Variants in ARSB observed in about 807,000 individuals in gnomAD.
The protein encoded by ARSB is N-acetylgalactosamine-4-sulfatase.
In ARSB, 41 loss-of-function variants were observed where a neutral mutation model predicts 50.9. The ratio of observed to expected loss-of-function variants is 0.81; its 90% confidence interval spans 0.63 to 1.04. The LOEUF (loss-of-function observed/expected upper bound fraction) is 1.04. Ranked by LOEUF, ARSB falls within the 50% of genes least tolerant of loss-of-function variation. ARSB has a pLI of 0.00. For synonymous variants in ARSB, 269 were observed against 284.8 expected, an observed-to-expected ratio of 0.94 and a Z score of 0.56; for missense variants, 672 against 693.3, an observed-to-expected ratio of 0.97 and a Z score of 0.35.
At chr5:78,800,631 G>A (rs1002364405) in intron 6 of ARSB, among the ~76,000 whole-genome samples, 1 of 152,144 alleles carries the variant, frequency 6.6e-6, no homozygotes, top group Non-Finnish European at 1.5e-5. Flanking sequence ...TTTTTGGAGG[G>A]TGTGCAAGGT....
chr5:78,919,304 G>A (rs1293532807), intron 4 of ARSB, among the ~76,000 whole-genome samples: 2 of 152,070 alleles, frequency 1.3e-5, no homozygotes, highest in East Asian at 3.9e-4. Context: ...CAACATCCCC[G>A]TGGTTCTTGA....
intron 4 of ARSB, among the ~76,000 whole-genome samples, chr5:78,896,461 G>A (rs571072719): frequency 2.5e-4 from 38 of 152,284 alleles, no homozygotes; most frequent in African/African-American, 7.9e-4. Flanking sequence ...GAGGTACTGC[G>A]TTCAGTGACA....
intron 6 of ARSB, chr5:78,817,193 C>T (rs1456954645): frequency 1.2e-6 from 1 of 844,254 alleles, no homozygotes; most frequent in Admixed American, 6.2e-5. Flanking sequence ...ATGGTGACCA[C>T]TGTTGTCCTT....
intron 6 of ARSB, 38 bp downstream of exon 6, chr5:78,839,318 A>C: frequency 6.3e-7 from 1 of 1,586,432 alleles, no homozygotes; most frequent in Non-Finnish European, 8.7e-7. Context: ...TTGGTGGGCC[A>C]ATTAGATTTA....
rs1342069078 is a variant in ARSB at position 78,780,067 on chromosome 5, G to A, written c.*330C>T. Reference sequence around the variant, plus strand: ...GAGGGGAATCGAACGTCTGACTTGTGAGTCTAAAAGAGCCAGCTGTTCCAG... The same window carrying A: ...GAGGGGAATCGAACGTCTGACTTGTAAGTCTAAAAGAGCCAGCTGTTCCAG... On this transcript the variant is annotated 3_prime_UTR_variant, in exon 8 of 8. Coordinates refer to ENST00000264914, the MANE Select transcript of ARSB (RefSeq NM_000046.5). 1.2e-5 allele frequency: 4 copies of A among 343,736 alleles called. No individual in the cohort carries two copies. Among genetic ancestry groups the A allele is most frequent in the Non-Finnish European group, 2.2e-5 (4 of 180,926 alleles). 21.3% of individuals were successfully genotyped at this position (343,736 alleles called of 1,614,324 possible). A position where few individuals can be genotyped will look rare whatever the true frequency, so the allele number is the denominator to read the frequency against.
At position 78,865,138 on chromosome 5, in the gene ARSB, C is replaced by T. The variant is rs576845828; in HGVS notation, c.1142+20446G>A. ...ACTCCGTATAGGGGTTCTGGCCCCA[C>T]ATTTCCCTTCCATCCTGCCCTAGCA... On this transcript the variant is annotated intron_variant, in intron 5 of 7. Coordinates refer to ENST00000264914, the MANE Select transcript of ARSB (RefSeq NM_000046.5). 3.0e-5 allele frequency among the ~76,000 whole-genome samples: 4 copies of T among 131,532 alleles called. No individual in the cohort carries two copies. In the East Asian group the frequency reaches 8.1e-4, roughly 27 times the overall value. The allele number at this position is 131,532 out of a possible 152,430, so 86.3% of individuals were successfully genotyped here. A position where few individuals can be genotyped will look rare whatever the true frequency, so the allele number is the denominator to read the frequency against.
chr5:78,806,034 C>T (rs1034962338), intron 6 of ARSB, among the ~76,000 whole-genome samples: 9 of 152,214 alleles, frequency 5.9e-5, no homozygotes, highest in African/African-American at 1.7e-4. Flanking sequence ...CTACCACCTA[C>T]CTTCATTGGG....
intron 4 of ARSB, among the ~76,000 whole-genome samples, chr5:78,950,230 A>C (rs1751439718): frequency 6.6e-6 from 1 of 152,148 alleles, no homozygotes; most frequent in African/African-American, 2.4e-5. Flanking sequence ...GAACAAGATG[A>C]AACCCCATCA....
chr5:78,868,170 C>A (rs1017255099), intron 5 of ARSB, among the ~76,000 whole-genome samples: 2 of 140,370 alleles, frequency 1.4e-5, no homozygotes, highest in Non-Finnish European at 3.1e-5. Context: ...TGTGAAAAGA[C>A]CAAATCTACG....
chr5:78,851,024 T>C (rs1745746826), intron 5 of ARSB, among the ~76,000 whole-genome samples: 2 of 152,218 alleles, frequency 1.3e-5, no homozygotes, highest in Non-Finnish European at 1.5e-5. Context: ...CTGGATTCAT[T>C]AATTTTTTGA....
intron 4 of ARSB, among the ~76,000 whole-genome samples, chr5:78,936,878 A>C (rs780650292): frequency 7.9e-5 from 12 of 152,210 alleles, no homozygotes; most frequent in African/African-American, 1.2e-4. Context: ...AGACGACTGT[A>C]GGAGACAGCA....
At chr5:78,817,277 A>G (rs1273382375) in intron 6 of ARSB, 1 of 223,738 alleles carries the variant, frequency 4.5e-6, no homozygotes, top group Non-Finnish European at 7.5e-6. Context: ...CACATCCTTC[A>G]CAGCTTCCTC....
intron 6 of ARSB, chr5:78,815,480 G>GA (rs1259466507): frequency 1.1e-6 from 1 of 925,030 alleles, no homozygotes; most frequent in Non-Finnish European, 1.3e-6. Flanking sequence ...GCAAATGGAG[G>GA]ACAGGCTGTG....
At chr5:78,795,639 A>T (rs1270439563) in intron 6 of ARSB, among the ~76,000 whole-genome samples, 1 of 152,214 alleles carries the variant, frequency 6.6e-6, no homozygotes, top group African/African-American at 2.4e-5. Flanking sequence ...CTGTCCTTGG[A>T]GAAATTCTTA....
intron 5 of ARSB, among the ~76,000 whole-genome samples, chr5:78,845,646 T>C (rs902964789): frequency 2.6e-5 from 4 of 152,164 alleles, no homozygotes; most frequent in African/African-American, 9.6e-5. Flanking sequence ...TGAGCATTTT[T>C]AAAAATAAAT....
intron 4 of ARSB, among the ~76,000 whole-genome samples, chr5:78,929,865 T>C (rs1750238894): frequency 6.6e-6 from 1 of 152,042 alleles, no homozygotes; most frequent in Non-Finnish European, 1.5e-5. Context: ...GTACATTGTC[T>C]TAAATAACAA....
At chr5:78,871,711 C>T (rs1336938258) in intron 5 of ARSB, among the ~76,000 whole-genome samples, 1 of 137,752 alleles carries the variant, frequency 7.3e-6, no homozygotes, top group African/African-American at 2.6e-5. Flanking sequence ...ACCATAAAAA[C>T]CCTAGAAGAA....
In ARSB at chr5:78,853,733, CTTTG is replaced by C. The variant is rs763480045; in HGVS notation, c.1143-14311_1143-14308del. On this transcript the variant is annotated intron_variant, in intron 5 of 7. Coordinates refer to ENST00000264914, the MANE Select transcript of ARSB (RefSeq NM_000046.5). ...CCACCAAGTTTGAGCTTCCTGGCTG[CTTTG>C]TTTACCTAAGCAAGCCTGGGCAATG... Among the ~76,000 whole-genome samples, 18 of 152,358 alleles carry C rather than the reference CTTTG, an allele frequency of 1.2e-4. No homozygotes were observed. The East Asian group carries it at 1.5e-3, about 13-fold the overall frequency.
intron 5 of ARSB, among the ~76,000 whole-genome samples, chr5:78,861,346 C>T (rs1426141859): frequency 4.6e-5 from 7 of 152,128 alleles, no homozygotes; most frequent in African/African-American, 9.6e-5. Context: ...TGATGAACAT[C>T]GATGCAAAAA....
Sources: allele counts gnomAD v4.1 joint callset (sites outside exome capture counted in the v4.1 genomes callset), GRCh38; gene constraint gnomAD v4.1.1; transcripts MANE v1.5; gene names NCBI Gene and HGNC (gene_info 2026-07-23, HGNC 2026-07-21).